KHDRBS2: variants seen among roughly 807,000 people sequenced by gnomAD.
KHDRBS2 encodes KH RNA binding domain containing, signal transduction associated 2, also known as KH domain-containing, RNA-binding, signal transduction-associated protein 2.
A neutral mutation model predicts 44.3 loss-of-function variants in KHDRBS2; 26 were observed. The observed-to-expected ratio is 0.59, with a 90% CI of 0.43 to 0.81. The LOEUF is 0.81. KHDRBS2 is among the 40% of genes least tolerant of loss of function. The pLI is 0.00. For synonymous variants in KHDRBS2, 194 were observed against 151.1 expected, an observed-to-expected ratio of 1.28 and a Z score of -2.08; for missense variants, 476 against 433.1, an observed-to-expected ratio of 1.10 and a Z score of -0.88.
intron 2 of KHDRBS2, among the ~76,000 whole-genome samples, chr6:62,054,208 G>T (rs1450960455): frequency 6.6e-6 from 1 of 152,020 alleles, no homozygotes; most frequent in Non-Finnish European, 1.5e-5. Context: ...GAAAGTCCAA[G>T]AAGAGCCAAA....
chr6:61,818,001 G>A (rs1420479401), intron 6 of KHDRBS2, among the ~76,000 whole-genome samples: 1 of 151,904 alleles, frequency 6.6e-6, no homozygotes, highest in African/African-American at 2.4e-5. Context: ...AATATTTTTA[G>A]CACATTGTCC....
intron 6 of KHDRBS2, among the ~76,000 whole-genome samples, chr6:61,802,090 C>T (rs1173369320): frequency 6.6e-6 from 1 of 152,110 alleles, no homozygotes; most frequent in Non-Finnish European, 1.5e-5. Flanking sequence ...CGACCCCTGG[C>T]TGACAACCAG....
intron 2 of KHDRBS2, among the ~76,000 whole-genome samples, chr6:62,159,740 T>G (rs550007937): frequency 5.3e-5 from 8 of 152,298 alleles, no homozygotes; most frequent in African/African-American, 1.9e-4. Flanking sequence ...TATTATATAC[T>G]GTATTACTAC....
rs758892411 is a variant in KHDRBS2 at position 62,177,221 on chromosome 6, T to A, written c.183A>T (p.Ser61=). 4 of 1,593,992 alleles carry A rather than the reference T, an allele frequency of 2.5e-6. No homozygotes were observed. Among genetic ancestry groups the A allele is most frequent in the Non-Finnish European group, 3.4e-6 (4 of 1,163,674 alleles). The change falls in exon 2 of 9, where the codon TCA becomes TCT. Residue 61 remains serine, a synonymous_variant. Coordinates refer to ENST00000281156, the MANE Select transcript of KHDRBS2 (RefSeq NM_152688.4). ...GCTTGACAGGAATCAGTACTCTTTCTGAGAGCTTTATGTTTTTGTTGCTGA... is the reference window on the plus strand; with the variant it reads ...GCTTGACAGGAATCAGTACTCTTTCAGAGAGCTTTATGTTTTTGTTGCTGA... ...DVISNKNIKL[S]ERVLIPVKQY...
the KHDRBS2 span, among the ~76,000 whole-genome samples, chr6:61,570,964 C>T: frequency 6.6e-6 from 1 of 151,856 alleles, no homozygotes; most frequent in Non-Finnish European, 1.5e-5. Flanking sequence ...ATAGAATCTT[C>T]TTAAAGCATA....
At chr6:61,801,544 T>G (rs1786278695) in intron 6 of KHDRBS2, among the ~76,000 whole-genome samples, 1 of 152,190 alleles carries the variant, frequency 6.6e-6, no homozygotes, top group African/African-American at 2.4e-5. Context: ...AGAACACTGA[T>G]GAATAGCTCA....
the KHDRBS2 span, among the ~76,000 whole-genome samples, chr6:61,626,575 T>C: frequency 6.6e-6 from 1 of 152,270 alleles, no homozygotes; most frequent in African/African-American, 2.4e-5. Context: ...ATCACTCTTT[T>C]TTTAGAGATT....
At chr6:62,129,280 T>C (rs1809694749) in intron 2 of KHDRBS2, among the ~76,000 whole-genome samples, 4 of 152,152 alleles carry the variant, frequency 2.6e-5, no homozygotes, top group Non-Finnish European at 5.9e-5. Flanking sequence ...ATTGCATTCT[T>C]ACAGGTAAAT....
At chr6:62,169,134 C>A (rs1326253607) in intron 2 of KHDRBS2, among the ~76,000 whole-genome samples, 1 of 117,454 alleles carries the variant, frequency 8.5e-6, no homozygotes, top group African/African-American at 3.3e-5. Context: ...TATACATATA[C>A]ACACATATAT....
At chr6:61,651,066 G>C in the KHDRBS2 span, among the ~76,000 whole-genome samples, 1 of 152,142 alleles carries the variant, frequency 6.6e-6, no homozygotes, top group East Asian at 1.9e-4. Flanking sequence ...TTAATGTGGA[G>C]ATGGTGACAG....
At chr6:61,859,151 C>T (rs1046179003) in intron 6 of KHDRBS2, among the ~76,000 whole-genome samples, 2 of 151,562 alleles carry the variant, frequency 1.3e-5, no homozygotes, top group African/African-American at 4.8e-5. Flanking sequence ...TATAGGTGGG[C>T]AGATATAAAG....
At chr6:61,728,921 A>T (rs1170458042) in intron 7 of KHDRBS2, among the ~76,000 whole-genome samples, 1 of 152,148 alleles carries the variant, frequency 6.6e-6, no homozygotes, top group Non-Finnish European at 1.5e-5. Context: ...CAATGTAATG[A>T]TTCTTCAAAG....
intron 4 of KHDRBS2, among the ~76,000 whole-genome samples, chr6:61,909,538 T>TC (rs1418718832): frequency 6.6e-6 from 1 of 152,104 alleles, no homozygotes; most frequent in Non-Finnish European, 1.5e-5. Context: ...TAAGGCCAAT[T>TC]CCCCCTATGA....
At chr6:61,690,419 A>G (rs1767267187) in intron 8 of KHDRBS2, among the ~76,000 whole-genome samples, 2 of 152,016 alleles carry the variant, frequency 1.3e-5, no homozygotes, top group South Asian at 4.1e-4. Context: ...TGATTGTGCC[A>G]TTAACTCAGC....
the KHDRBS2 span, among the ~76,000 whole-genome samples, chr6:61,650,227 C>A: frequency 6.6e-6 from 1 of 152,008 alleles, no homozygotes; most frequent in Non-Finnish European, 1.5e-5. Context: ...CTTCCCTCAA[C>A]CTCCCCACCT....
intron 4 of KHDRBS2, among the ~76,000 whole-genome samples, chr6:61,912,434 C>T (rs772580224): frequency 6.6e-6 from 1 of 152,154 alleles, no homozygotes; most frequent in Non-Finnish European, 1.5e-5. Context: ...TTCTTGTCCT[C>T]AATTAGCTGA....
At chr6:61,581,172 G>A in the KHDRBS2 span, among the ~76,000 whole-genome samples, 2 of 152,104 alleles carry the variant, frequency 1.3e-5, no homozygotes, top group African/African-American at 4.8e-5. Context: ...ACCATAGGTA[G>A]ATTTTGCCAT....
chr6:61,544,637 G>A, the KHDRBS2 span, among the ~76,000 whole-genome samples: 72 of 152,108 alleles, frequency 4.7e-4, no homozygotes, highest in South Asian at 1.5e-3. Flanking sequence ...GATTTCCTGG[G>A]CACTACATTA....
intron 8 of KHDRBS2, among the ~76,000 whole-genome samples, chr6:61,690,996 C>T (rs960206997): frequency 1.3e-5 from 2 of 152,014 alleles, no homozygotes; most frequent in Non-Finnish European, 2.9e-5. Flanking sequence ...AATGGAACCA[C>T]CTATGAAGCT....
Sources: allele counts gnomAD v4.1 joint callset (sites outside exome capture counted in the v4.1 genomes callset), GRCh38; gene constraint gnomAD v4.1.1; transcripts MANE v1.5; gene names NCBI Gene and HGNC (gene_info 2026-07-23, HGNC 2026-07-21).